Variants in DDC observed in about 807,000 individuals in gnomAD.
DDC encodes aromatic-L-amino-acid decarboxylase.
A neutral mutation model predicts 60.0 loss-of-function variants in DDC; 43 were observed. The ratio of observed to expected loss-of-function variants is 0.72; its 90% CI spans 0.56 to 0.92. The LOEUF (loss-of-function observed/expected upper bound fraction) is 0.92. Ranked by LOEUF, DDC falls within the 40% of genes least tolerant of loss-of-function variation. The probability of loss-of-function intolerance (pLI) is 0.00; values close to 1 mark genes in which losing one functional copy is unlikely to be tolerated. For missense variants in DDC, 573 were observed against 620.2 expected (o/e 0.92, Z 0.81); for synonymous variants, 232 against 234.6 (o/e 0.99, Z 0.10).
intron 14 of DDC, among the ~76,000 whole-genome samples, chr7:50,460,375 C>T (rs1159661197): frequency 1.4e-5 from 2 of 146,612 alleles, no homozygotes; most frequent in Non-Finnish European, 3.0e-5. Flanking sequence ...GGTCAGCCCC[C>T]CGCCCGGCCA....
At chr7:50,466,433 C>T (rs924623344) in intron 13 of DDC, among the ~76,000 whole-genome samples, 4 of 145,632 alleles carry the variant, frequency 2.7e-5, no homozygotes, top group African/African-American at 7.6e-5. Context: ...TGCAGTGAGC[C>T]GAGATTACAC....
At chr7:50,460,119 C>T (rs2042232060) in intron 14 of DDC, among the ~76,000 whole-genome samples, 2 of 145,574 alleles carry the variant, frequency 1.4e-5, no homozygotes, top group Admixed American at 6.7e-5. Context: ...CACCTCTGCC[C>T]GGCCGCCCCT....
chr7:50,497,691 A>AT (rs937459807), intron 8 of DDC, among the ~76,000 whole-genome samples: 2 of 152,206 alleles, frequency 1.3e-5, no homozygotes, highest in Non-Finnish European at 2.9e-5. Context: ...AGAACTTCTC[A>AT]TATACTATAC....
At position 50,540,010 on chromosome 7, in the gene DDC, G is replaced by T. The variant is rs1414196907; in HGVS notation, c.220C>A (p.Pro74Thr). ...IMPGVTHWHS[P>T]YFFAYFPTAS... ...GTGGGGAAGTAGGCGAAGAAGTAGGGGCTGTGCCAGTGCGTCACCTGCATG... is the reference window on the plus strand; with the variant it reads ...GTGGGGAAGTAGGCGAAGAAGTAGGTGCTGTGCCAGTGCGTCACCTGCATG... The change falls in exon 3 of 15, where the codon CCC becomes ACC. Residue 74 changes from proline to threonine, a missense_variant. By Grantham distance (38) the Pro-to-Thr change is conservative. Coordinates refer to ENST00000444124, the MANE Select transcript of DDC (RefSeq NM_001082971.2). The T allele has an allele frequency of 3.7e-6, 6 of 1,613,622 alleles. No individual in the cohort carries two copies. The highest frequency in any genetic ancestry group is 4.2e-6 in the Non-Finnish European group (5 of 1,179,796).
chr7:50,559,931 A>G (rs2045302246), intron 1 of DDC, among the ~76,000 whole-genome samples: 2 of 152,202 alleles, frequency 1.3e-5, no homozygotes, highest in Admixed American at 1.3e-4. Flanking sequence ...ATTTATTTTA[A>G]TTATTTTCTT....
chr7:50,474,784 G>A lies in DDC; in HGVS notation c.1041+1840C>T, dbSNP rs17133842. ...AGCCTATGTTATTTTATGTGAACCAGAGATGGTGTTGTGCCTTTTTTTCTA... is the reference window on the plus strand; with the variant it reads ...AGCCTATGTTATTTTATGTGAACCAAAGATGGTGTTGTGCCTTTTTTTCTA... On this transcript the variant is annotated intron_variant, in intron 11 of 14. Coordinates refer to ENST00000444124, the MANE Select transcript of DDC (RefSeq NM_001082971.2). 1.9e-3 allele frequency among the ~76,000 whole-genome samples: 287 copies of A among 152,328 alleles called. 1 individual carries two copies. The highest frequency in any genetic ancestry group is 6.7e-3 in the African/African-American group (277 of 41,572).
chr7:50,504,580 T>A (rs1410211283), intron 6 of DDC, among the ~76,000 whole-genome samples: 1 of 151,240 alleles, frequency 6.6e-6, no homozygotes, highest in African/African-American at 2.4e-5. Flanking sequence ...TACACAAGTG[T>A]ATATATTTTA....
At chr7:50,499,737 T>G (rs11575387) in intron 7 of DDC, among the ~76,000 whole-genome samples, 17,240 of 152,204 alleles carry the variant, frequency 0.11, 1,193 homozygotes, top group African/African-American at 0.2. Flanking sequence ...TTACACCATC[T>G]TAGACCATCC....
chr7:50,499,620 A>T (rs532379109), intron 7 of DDC, among the ~76,000 whole-genome samples: 1 of 152,038 alleles, frequency 6.6e-6, no homozygotes, highest in South Asian at 2.1e-4. Context: ...TTGCTAATCC[A>T]TTCTCAAGTC....
At chr7:50,537,571 A>T (rs2044460484) in intron 4 of DDC, among the ~76,000 whole-genome samples, 1 of 152,238 alleles carries the variant, frequency 6.6e-6, no homozygotes, top group Non-Finnish European at 1.5e-5. Context: ...TGTAGTTGTT[A>T]CTTCCACGCA....
At chr7:50,558,091 A>T (rs1302242363) in intron 1 of DDC, among the ~76,000 whole-genome samples, 1 of 148,600 alleles carries the variant, frequency 6.7e-6, no homozygotes, top group Non-Finnish European at 1.5e-5. Context: ...CCCCCCTTAC[A>T]AATTTTTTCC....
intron 4 of DDC, among the ~76,000 whole-genome samples, chr7:50,533,741 G>A (rs184010316): frequency 7.9e-4 from 120 of 152,304 alleles, no homozygotes; most frequent in African/African-American, 2.8e-3. Context: ...AAAGAGTGAC[G>A]TGGCCCACAA....
At chr7:50,478,338 C>T (rs904548548) in intron 10 of DDC, among the ~76,000 whole-genome samples, 1 of 152,130 alleles carries the variant, frequency 6.6e-6, no homozygotes, top group Non-Finnish European at 1.5e-5. Context: ...TGGCTGTTGA[C>T]GTTTAAATTT....
intron 1 of DDC, among the ~76,000 whole-genome samples, chr7:50,563,807 G>T (rs1187367186): frequency 6.6e-6 from 1 of 152,142 alleles, no homozygotes; most frequent in Non-Finnish European, 1.5e-5. Flanking sequence ...TCACCATGTT[G>T]CCCAGGCTGG....
intron 10 of DDC, among the ~76,000 whole-genome samples, chr7:50,477,920 C>G (rs11763807): frequency 0.56 from 84,182 of 151,626 alleles, 23,521 homozygotes; most frequent in Admixed American, 0.62. Context: ...AAATTGTCGA[C>G]GCCAGGCGTG....
intron 2 of DDC, among the ~76,000 whole-genome samples, chr7:50,541,751 G>A (rs2044641140): frequency 6.6e-6 from 1 of 152,182 alleles, no homozygotes; most frequent in Admixed American, 6.5e-5. Context: ...TCCAAGCTAA[G>A]ATATCTGTAA....
At chr7:50,494,764 C>T (rs1343963823) in intron 9 of DDC, among the ~76,000 whole-genome samples, 1 of 151,840 alleles carries the variant, frequency 6.6e-6, no homozygotes, top group Non-Finnish European at 1.5e-5. Flanking sequence ...CAGGTTCAAG[C>T]GATTCTCCTG....
At chr7:50,467,951 T>C (rs1284418267) in intron 12 of DDC, among the ~76,000 whole-genome samples, 2 of 152,364 alleles carry the variant, frequency 1.3e-5, no homozygotes, top group East Asian at 1.9e-4. Flanking sequence ...CTTCCTCTCA[T>C]TGAATATCAC....
At chr7:50,507,641 T>A (rs73121271) in intron 6 of DDC, among the ~76,000 whole-genome samples, 14,545 of 152,292 alleles carry the variant, frequency 0.096, 1,077 homozygotes, top group South Asian at 0.13. Context: ...CAAACAGTAA[T>A]ACTGCATTTC....
Sources: gnomAD v4.1 joint callset for allele counts (sites outside exome capture counted in the v4.1 genomes callset) on GRCh38, gnomAD v4.1.1 for gene constraint, MANE v1.5 for transcripts, NCBI Gene and HGNC (gene_info 2026-07-23, HGNC 2026-07-21) for gene names.